The following ALDH1A3 variants were observed in gnomAD, a reference collection of about 807,000 sequenced individuals.
The protein encoded by ALDH1A3 is aldehyde dehydrogenase 1 family member A3.
A neutral mutation model predicts 57.5 loss-of-function variants in ALDH1A3; 28 were observed. The observed-to-expected ratio is 0.49, with a 90% CI of 0.36 to 0.67. ALDH1A3 has a LOEUF of 0.67. Among genes scored for constraint, ALDH1A3 ranks in the 30% least tolerant of loss-of-function variants. ALDH1A3 has a pLI of 0.00. For missense variants in ALDH1A3, 507 were observed against 669.4 expected, an observed-to-expected ratio of 0.76 and a Z score of 2.68; for synonymous variants, 281 against 264.8, an observed-to-expected ratio of 1.06 and a Z score of -0.59.
In ALDH1A3 at chr15:100,896,026, G is replaced by A. The variant is rs746580920; in HGVS notation, c.760G>A (p.Ala254Thr). ...ISSHPQINKI[A>T]FTGSTEVGKL... Reference sequence around the variant, plus strand: ...TTCTCACCCTCAGATCAACAAGATCGCCTTCACCGGCTCCACAGAGGTAAC... The same window carrying A: ...TTCTCACCCTCAGATCAACAAGATCACCTTCACCGGCTCCACAGAGGTAAC... The change falls in exon 7 of 13, where the codon GCC becomes ACC. Residue 254 changes from alanine (A) to threonine (T), a missense_variant. Around this residue, in one of 2 missense-constraint regions of ALDH1A3, gnomAD observed 432 missense variants for 608.4 expected, o/e 0.71. Coordinates refer to ENST00000329841, the MANE Select transcript of ALDH1A3 (RefSeq NM_000693.4). 11 of 1,611,024 alleles carry A rather than the reference G, an allele frequency of 6.8e-6. No individual in the cohort carries two copies. Among genetic ancestry groups the A allele is most frequent in the Non-Finnish European group, 8.5e-6 (10 of 1,178,614 alleles).
chr15:100,886,391 C>T (rs2041595157), intron 2 of ALDH1A3, among the ~76,000 whole-genome samples: 1 of 152,230 alleles, frequency 6.6e-6, no homozygotes, highest in African/African-American at 2.4e-5. Flanking sequence ...GACCCTTGCC[C>T]TGGGCCTTGA....
chr15:100,906,324 G>T lies in ALDH1A3; in HGVS notation c.1233+637G>T, dbSNP rs1441298303. On this transcript the variant is annotated intron_variant, in intron 10 of 12. Transcript: ENST00000329841. The surrounding 1 kb of genome is among the most constrained non-coding windows in gnomAD (Gnocchi z 4.8). The stretch of plus-strand genomic sequence containing the variant: ...TAAGAGGAGAGCTGGATCCCAGGAG[G>T]TTAGACCCTGGAGGTGGTATTTTGG... Among the ~76,000 whole-genome samples the T allele has an allele frequency of 6.6e-6, 1 of 152,198 alleles. No homozygotes were observed. The highest frequency in any genetic ancestry group is 2.4e-5 in the African/African-American group (1 of 41,454).
intron 1 of ALDH1A3, among the ~76,000 whole-genome samples, chr15:100,883,063 G>T (rs895698312): frequency 6.6e-6 from 1 of 152,142 alleles, no homozygotes; most frequent in Non-Finnish European, 1.5e-5. Flanking sequence ...GGAGGAGCAT[G>T]CTTGGAGATG....
In ALDH1A3 at chr15:100,915,046, CAGTG is replaced by C; in HGVS notation, c.*276_*279del. 5 of 449,032 alleles carry C rather than the reference CAGTG, an allele frequency of 1.1e-5. No individual in the cohort carries two copies. In the South Asian group the frequency reaches 1.4e-4, roughly 12 times the overall value. The allele number at this position is 449,032 out of a possible 1,614,324, so 27.8% of individuals were successfully genotyped here. A position where few individuals can be genotyped will look rare whatever the true frequency, so the allele number is the denominator to read the frequency against. On this transcript the variant is annotated 3_prime_UTR_variant, in exon 13 of 13. Coordinates refer to ENST00000329841, the MANE Select transcript of ALDH1A3 (RefSeq NM_000693.4). ...TTCCCTTTAAACCAGATCCTGGAGA[CAGTG>C]AGATACTCAGGGCGTTGTTAACAGG...
chr15:100,901,253 C>T (rs1462441192), intron 9 of ALDH1A3, among the ~76,000 whole-genome samples: 1 of 152,138 alleles, frequency 6.6e-6, no homozygotes, highest in Non-Finnish European at 1.5e-5. Flanking sequence ...TTTGGGAAGC[C>T]AAGGACAGGA....
At position 100,914,857 on chromosome 15, in the gene ALDH1A3, G is replaced by C. The variant is rs1433774941; in HGVS notation, c.*84G>C. ...GCTGGAGGAAAAAAATGACATTTCT[G>C]ACCTTCCCGGGACACATTCTTCTGG... On this transcript the variant is annotated 3_prime_UTR_variant, in exon 13 of 13. Transcript: ENST00000329841. 2.3e-6 allele frequency: 3 copies of C among 1,296,808 alleles called. No individual in the cohort carries two copies. In the African/African-American group the frequency reaches 4.4e-5, roughly 19 times the overall value. 80.3% of individuals were successfully genotyped at this position (1,296,808 alleles called of 1,614,324 possible). A position where few individuals can be genotyped will look rare whatever the true frequency, so the allele number is the denominator to read the frequency against.
intron 7 of ALDH1A3, among the ~76,000 whole-genome samples, chr15:100,897,797 G>A (rs1013347994): frequency 6.6e-6 from 1 of 152,234 alleles, no homozygotes; most frequent in Non-Finnish European, 1.5e-5. Flanking sequence ...TTAGCGGGTG[G>A]CAGCCCTGTT....
intron 8 of ALDH1A3, among the ~76,000 whole-genome samples, chr15:100,898,569 C>G (rs1009364816): frequency 4.6e-5 from 7 of 152,080 alleles, no homozygotes; most frequent in Admixed American, 1.3e-4. Flanking sequence ...CTGCCCACTC[C>G]CAGTCATTCA....
At chr15:100,880,200 G>T in intron 1 of ALDH1A3, 194 bp downstream of exon 1, 1 of 406,284 alleles carries the variant, frequency 2.5e-6, no homozygotes, top group Non-Finnish European at 4.3e-6. Flanking sequence ...CGCAGGCGGC[G>T]GGGCTCGGCG....
chr15:100,908,463 T>G lies in ALDH1A3; in HGVS notation c.1447T>G (p.Ser483Ala). Reference protein sequence around the residue: ...AQAPFGGFKMSGNGRELGEYA... With the variant: ...AQAPFGGFKMAGNGRELGEYA... ...GGCTCCATTTGGTGGCTTTAAAATG[T>G]CAGGAAATGGCAGAGAACTGTAAGT... The change falls in exon 12 of 13, where the codon TCA becomes GCA. Residue 483 changes from serine to alanine, a missense_variant. By Grantham distance (99) the Ser-to-Ala change is moderately conservative. This residue lies in a region of ALDH1A3 where 432 missense variants were observed against 608.4 expected (regional missense o/e 0.71). Coordinates refer to ENST00000329841, the MANE Select transcript of ALDH1A3 (RefSeq NM_000693.4). 1 of 1,613,448 alleles carries G rather than the reference T, an allele frequency of 6.2e-7. No individual in the cohort carries two copies. Among genetic ancestry groups the G allele is most frequent in the South Asian group, 1.1e-5 (1 of 91,062 alleles).
chr15:100,909,422 CT>C (rs2041860643), intron 12 of ALDH1A3, among the ~76,000 whole-genome samples: 1 of 147,298 alleles, frequency 6.8e-6, no homozygotes, highest in African/African-American at 2.5e-5. Context: ...AACCCCTCCA[CT>C]GTGTGTGCAA....
At chr15:100,890,014 A>G (rs1274015175) in intron 3 of ALDH1A3, among the ~76,000 whole-genome samples, 4 of 152,144 alleles carry the variant, frequency 2.6e-5, no homozygotes, top group East Asian at 1.9e-4. Context: ...TTCTGTGCTC[A>G]GTGTCTGGAA....
At position 100,906,950 on chromosome 15, in the gene ALDH1A3, G is replaced by T. The variant is rs1415671728; in HGVS notation, c.1234-171G>T. ...TAATCCTTCCCTTCAGTCTCCAATG[G>T]CAATGCAGCTGAAGCAATGTTTGGA... On this transcript the variant is annotated intron_variant, in intron 10 of 12. Coordinates refer to ENST00000329841, the MANE Select transcript of ALDH1A3 (RefSeq NM_000693.4). This position sits in a 1 kb window ranked among gnomAD's most constrained non-coding sequence, Gnocchi z 4.8. Among the ~76,000 whole-genome samples, 3 of 152,206 alleles carry T rather than the reference G, an allele frequency of 2.0e-5. No homozygotes were observed. In the South Asian group the frequency reaches 6.2e-4, roughly 32 times the overall value.
chr15:100,912,389 TTG>T (rs1406585271), intron 12 of ALDH1A3, among the ~76,000 whole-genome samples: 1 of 152,230 alleles, frequency 6.6e-6, no homozygotes, highest in Admixed American at 6.5e-5. Context: ...ATTTGGGTAT[TTG>T]TGTTTTTCTT....
At chr15:100,905,462 A>G in intron 9 of ALDH1A3, 61 bp from the exon 10 acceptor site, 1 of 1,607,032 alleles carries the variant, frequency 6.2e-7, no homozygotes, top group South Asian at 1.1e-5. Context: ...CACTGAAAAC[A>G]TGAGATGGCA....
intron 12 of ALDH1A3, among the ~76,000 whole-genome samples, chr15:100,908,825 C>G (rs2041852548): frequency 6.6e-6 from 1 of 152,176 alleles, no homozygotes. Context: ...TGTGGGGTGT[C>G]ATTATTCACA....
At chr15:100,901,419 C>G (rs924013661) in intron 9 of ALDH1A3, among the ~76,000 whole-genome samples, 1 of 152,228 alleles carries the variant, frequency 6.6e-6, no homozygotes, top group Non-Finnish European at 1.5e-5. Flanking sequence ...TCAGCAGTCA[C>G]TCACTTTGCT....
chr15:100,895,964 T>G lies in ALDH1A3; in HGVS notation c.698T>G (p.Val233Gly). ...TTCCCTCCAGGAGTGGTGAACATTG[T>G]GCCAGGATTCGGGCCCACAGTGGGA... Reference protein sequence around the residue: ...AGFPPGVVNIVPGFGPTVGAA... With the variant: ...AGFPPGVVNIGPGFGPTVGAA... The change falls in exon 7 of 13, where the codon GTG (valine) becomes GGG (glycine). Residue 233 changes from valine (V) to glycine (G), a missense_variant. Transcript: ENST00000329841. 6.2e-7 allele frequency: 1 copy of G among 1,613,694 alleles called. No individual in the cohort carries two copies. Among genetic ancestry groups the G allele is most frequent in the Non-Finnish European group, 8.5e-7 (1 of 1,179,818 alleles).
At position 100,893,475 on chromosome 15, in the gene ALDH1A3, C is replaced by T. The variant is rs2041671884; in HGVS notation, c.537+469C>T. On this transcript the variant is annotated intron_variant, in intron 5 of 12. Coordinates refer to ENST00000329841, the MANE Select transcript of ALDH1A3 (RefSeq NM_000693.4). The surrounding 1 kb of genome is among the most constrained non-coding windows in gnomAD (Gnocchi z 4.8). ...GAGCACACGTGGCAGGTGGTGTGGG[C>T]CAGCTTCCAGCAGCTTTGGCTGCTA... 1 of 170,630 alleles carries T rather than the reference C, an allele frequency of 5.9e-6. No individual in the cohort carries two copies. The highest frequency in any genetic ancestry group is 1.3e-5 in the Non-Finnish European group (1 of 79,660). The allele number at this position is 170,630 out of a possible 1,614,324, so 10.6% of individuals were successfully genotyped here. A position where few individuals can be genotyped will look rare whatever the true frequency, so the allele number is the denominator to read the frequency against.
Sources: allele counts gnomAD v4.1 joint callset (sites outside exome capture counted in the v4.1 genomes callset), GRCh38; gene constraint gnomAD v4.1.1; regional missense constraint gnomAD v4.1.1; non-coding constraint Gnocchi (gnomAD v3.1); transcripts MANE v1.5; gene names NCBI Gene and HGNC (gene_info 2026-07-23, HGNC 2026-07-21).